VWA8: variants seen among roughly 807,000 people sequenced by gnomAD.
VWA8 encodes von Willebrand factor A domain-containing protein 8.
A neutral mutation model predicts 241.5 loss-of-function variants in VWA8; 221 were observed. The ratio of observed to expected loss-of-function variants is 0.91; its 90% CI spans 0.82 to 1.02. The LOEUF is 1.02. Among genes scored for constraint, VWA8 ranks in the 50% least tolerant of loss-of-function variants. The pLI, the probability that VWA8 is intolerant of heterozygous loss-of-function variation, is 0.00. For synonymous variants in VWA8, 852 were observed against 827.1 expected (o/e 1.03, Z -0.52); for missense variants, 2,322 against 2,328.7 (o/e 1.00, Z 0.06).
chr13:41,808,350 C>CATG (rs1409183460), intron 17 of VWA8, among the ~76,000 whole-genome samples: 4 of 152,272 alleles, frequency 2.6e-5, no homozygotes, highest in South Asian at 4.2e-4. Context: ...GTACAGGACA[C>CATG]ATGACGCTGG....
intron 35 of VWA8, among the ~76,000 whole-genome samples, chr13:41,675,625 A>G (rs2045055507): frequency 6.6e-6 from 1 of 152,168 alleles, no homozygotes; most frequent in Admixed American, 6.6e-5. Flanking sequence ...GGAAGCAACA[A>G]CAATGCAGTA....
At position 41,763,796 on chromosome 13, in the gene VWA8, A is replaced by T. The variant is rs560500972; in HGVS notation, c.2350-2592T>A. Among the ~76,000 whole-genome samples the T allele has an allele frequency of 4.6e-5, 7 of 152,206 alleles. No homozygotes were observed. The East Asian group carries it at 1.4e-3, about 29-fold the overall frequency. ...ATCAGGGAGTTCCTCCTCCCTTCCCACCTCTAAAGTTATTAAATAGCCATG... is the reference window on the plus strand; with the variant it reads ...ATCAGGGAGTTCCTCCTCCCTTCCCTCCTCTAAAGTTATTAAATAGCCATG... On this transcript the variant is annotated intron_variant, in intron 20 of 44. Coordinates refer to ENST00000379310, the MANE Select transcript of VWA8 (RefSeq NM_015058.2).
chr13:41,934,050 A>G (rs919923335), intron 2 of VWA8, among the ~76,000 whole-genome samples: 1 of 151,684 alleles, frequency 6.6e-6, no homozygotes, highest in African/African-American at 2.4e-5. Context: ...AGACTAGAAT[A>G]ACATATTTGC....
intron 35 of VWA8, among the ~76,000 whole-genome samples, chr13:41,678,277 C>G (rs1281898722): frequency 6.6e-6 from 1 of 152,162 alleles, no homozygotes; most frequent in African/African-American, 2.4e-5. Context: ...AATAGAGTTA[C>G]TATAGTAATT....
At position 41,708,079 on chromosome 13, in the gene VWA8, C is replaced by T. The variant is rs140604828; in HGVS notation, c.3117-4668G>A. ...CCCTTAAAATATTTTTACATGGGGC[C>T]GGGTGCAGTGGCTCACGTCTGTAAT... On this transcript the variant is annotated intron_variant, in intron 26 of 44. Transcript: ENST00000379310. Among the ~76,000 whole-genome samples, 50 of 152,116 alleles carry T rather than the reference C, an allele frequency of 3.3e-4. No individual in the cohort carries two copies. In the East Asian group the frequency reaches 7.6e-3, roughly 23 times the overall value.
At chr13:41,569,547 G>C (rs973848185) in intron 44 of VWA8, among the ~76,000 whole-genome samples, 5 of 152,108 alleles carry the variant, frequency 3.3e-5, no homozygotes, top group African/African-American at 1.2e-4. Context: ...AGAAAAAGCT[G>C]CTAGCATTTT....
At chr13:41,602,987 A>C (rs563569609) in intron 40 of VWA8, among the ~76,000 whole-genome samples, 2 of 152,300 alleles carry the variant, frequency 1.3e-5, no homozygotes, top group African/African-American at 2.4e-5. Context: ...CCTATATCTT[A>C]AAACTCTTTC....
intron 39 of VWA8, among the ~76,000 whole-genome samples, chr13:41,611,143 G>A (rs926235825): frequency 3.3e-5 from 5 of 152,080 alleles, no homozygotes; most frequent in African/African-American, 9.7e-5. Context: ...CCTCACATCA[G>A]CCCACTAAAC....
At chr13:41,959,056 C>T (rs1878470738) in intron 1 of VWA8, among the ~76,000 whole-genome samples, 3 of 152,312 alleles carry the variant, frequency 2.0e-5, no homozygotes, top group South Asian at 4.1e-4. Context: ...ATAGTCTGAA[C>T]AGTCCTGAAT....
intron 40 of VWA8, among the ~76,000 whole-genome samples, chr13:41,600,969 G>T (rs558751692): frequency 6.6e-6 from 1 of 152,142 alleles, no homozygotes; most frequent in East Asian, 1.9e-4. Flanking sequence ...CACCTCTCTT[G>T]TCTCTGAAAC....
chr13:41,656,506 T>G (rs928000931), intron 37 of VWA8, among the ~76,000 whole-genome samples: 6 of 152,218 alleles, frequency 3.9e-5, no homozygotes, highest in African/African-American at 1.4e-4. Context: ...TTGACGAATT[T>G]CATTCAGAAC....
chr13:41,739,894 G>A (rs1329292235), intron 21 of VWA8, among the ~76,000 whole-genome samples: 6 of 123,086 alleles, frequency 4.9e-5, no homozygotes, highest in African/African-American at 9.1e-5. Flanking sequence ...TTGCTCTGTC[G>A]CCCAGGCTGG....
chr13:41,937,943 C>T (rs1167153070), intron 2 of VWA8, among the ~76,000 whole-genome samples: 1 of 152,042 alleles, frequency 6.6e-6, no homozygotes, highest in African/African-American at 2.4e-5. Context: ...GGCAGATCAC[C>T]TGAGGTCATG....
chr13:41,777,302 G>T (rs528941044), intron 20 of VWA8, among the ~76,000 whole-genome samples: 2 of 152,248 alleles, frequency 1.3e-5, no homozygotes, highest in African/African-American at 4.8e-5. Context: ...ATTCAGCCAG[G>T]GACAAGGGAA....
intron 37 of VWA8, among the ~76,000 whole-genome samples, chr13:41,647,034 T>A (rs1002163283): frequency 6.6e-6 from 1 of 152,244 alleles, no homozygotes; most frequent in Non-Finnish European, 1.5e-5. Flanking sequence ...AATGGAGAGA[T>A]ACATGTAGAA....
chr13:41,769,816 T>C (rs924857588), intron 20 of VWA8, among the ~76,000 whole-genome samples: 7 of 152,210 alleles, frequency 4.6e-5, no homozygotes, highest in African/African-American at 1.4e-4. Context: ...AATGAAATTA[T>C]ATAAAAGTAC....
intron 9 of VWA8, among the ~76,000 whole-genome samples, chr13:41,882,576 C>A (rs1409217723): frequency 6.6e-6 from 1 of 152,248 alleles, no homozygotes; most frequent in African/African-American, 2.4e-5. Flanking sequence ...CCAAGGCTGG[C>A]GGATCACTCG....
intron 4 of VWA8, among the ~76,000 whole-genome samples, chr13:41,897,377 C>T (rs562241288): frequency 6.6e-6 from 1 of 152,132 alleles, no homozygotes; most frequent in South Asian, 2.1e-4. Flanking sequence ...TTAGAATGGC[C>T]ACTGTGAAAA....
Position 41,689,511 on chromosome 13 carries a change from G to A in VWA8, c.3977-3C>T, listed in dbSNP as rs1011164709. The A allele has an allele frequency of 3.7e-5, 60 of 1,602,612 alleles. No homozygotes were observed. Among genetic ancestry groups the A allele is most frequent in the Non-Finnish European group, 4.8e-5 (57 of 1,175,484 alleles). Reference sequence around the variant, plus strand: ...ATGAGGTATGCTGAACTCTGTTTCTGAAAAGTACAAACATTAGACACCATA... The same window carrying A: ...ATGAGGTATGCTGAACTCTGTTTCTAAAAAGTACAAACATTAGACACCATA... On this transcript the variant is annotated splice_polypyrimidine_tract_variant and splice_region_variant and intron_variant, in intron 33 of 44. Coordinates refer to ENST00000379310, the MANE Select transcript of VWA8 (RefSeq NM_015058.2).
Sources: gnomAD v4.1 joint callset for allele counts (sites outside exome capture counted in the v4.1 genomes callset) on GRCh38, gnomAD v4.1.1 for gene constraint, MANE v1.5 for transcripts, NCBI Gene and HGNC (gene_info 2026-07-23, HGNC 2026-07-21) for gene names.